The following PTPRD variants were observed in gnomAD, a reference collection of about 807,000 sequenced individuals.
PTPRD encodes receptor-type tyrosine-protein phosphatase delta.
A neutral mutation model predicts 214.5 loss-of-function variants in PTPRD; 34 were observed. That is an observed-to-expected ratio of 0.16 (90% CI 0.12 to 0.21). The LOEUF is 0.21. Ranked by LOEUF, PTPRD falls within the 10% of genes least tolerant of loss-of-function variation. The pLI is 1.00. For missense variants in PTPRD, 2,545 were observed against 2,398.7 expected, an observed-to-expected ratio of 1.06 and a Z score of -1.27; for synonymous variants, 1,128 against 845.7, an observed-to-expected ratio of 1.33 and a Z score of -5.79.
At chr9:8,571,990 C>T (rs916200255) in intron 14 of PTPRD, among the ~76,000 whole-genome samples, 2 of 151,944 alleles carry the variant, frequency 1.3e-5, no homozygotes, top group Admixed American at 6.6e-5. Flanking sequence ...TTGGTGGATG[C>T]GGAAGTAATG....
intron 3 of PTPRD, among the ~76,000 whole-genome samples, chr9:10,057,915 G>C (rs1390268167): frequency 6.6e-6 from 1 of 151,986 alleles, no homozygotes; most frequent in African/African-American, 2.4e-5. Context: ...CACACCACTG[G>C]CTCATGACAG....
chr9:8,528,405 AAGAC>A (rs1443028748), intron 15 of PTPRD, 182 bp downstream of exon 15: 3 of 656,626 alleles, frequency 4.6e-6, no homozygotes, highest in East Asian at 2.8e-5. Flanking sequence ...GAAAAGGAGA[AAGAC>A]AGACTCTGAA....
intron 5 of PTPRD, among the ~76,000 whole-genome samples, chr9:9,924,904 A>T (rs1431098588): frequency 3.9e-5 from 6 of 152,084 alleles, no homozygotes. Flanking sequence ...CCTTGCTTTC[A>T]ACTCCTAGCT....
At chr9:9,384,862 AAAG>A (rs1190536821) in intron 9 of PTPRD, among the ~76,000 whole-genome samples, 8 of 152,112 alleles carry the variant, frequency 5.3e-5, no homozygotes, top group Admixed American at 2.0e-4. Context: ...AGACATTAGA[AAAG>A]AAAGTGCCTC....
At chr9:8,557,673 G>A (rs770441607) in intron 14 of PTPRD, among the ~76,000 whole-genome samples, 7 of 147,170 alleles carry the variant, frequency 4.8e-5, no homozygotes, top group Non-Finnish European at 8.9e-5. Context: ...AACATGGGAA[G>A]CGGAGGTTGC....
At chr9:8,907,978 G>C (rs761591523) in intron 11 of PTPRD, among the ~76,000 whole-genome samples, 13 of 152,138 alleles carry the variant, frequency 8.5e-5, no homozygotes, top group Non-Finnish European at 7.4e-5. Context: ...CAAGCACTAA[G>C]AGAGTCTCAT....
At chr9:10,308,427 G>C (rs578213258) in intron 3 of PTPRD, among the ~76,000 whole-genome samples, 7 of 151,970 alleles carry the variant, frequency 4.6e-5, no homozygotes, top group Non-Finnish European at 1.0e-4. Flanking sequence ...CTATGTGTCT[G>C]TTTTTACACC....
At chr9:9,073,638 T>C (rs1322859144) in intron 10 of PTPRD, among the ~76,000 whole-genome samples, 5 of 152,210 alleles carry the variant, frequency 3.3e-5, no homozygotes, top group African/African-American at 4.8e-5. Context: ...TTTCGAGCCT[T>C]CAGATGCAAG....
chr9:10,132,369 T>C (rs770873100), intron 3 of PTPRD, among the ~76,000 whole-genome samples: 10 of 152,170 alleles, frequency 6.6e-5, no homozygotes, highest in Non-Finnish European at 7.3e-5. Flanking sequence ...ACTTCAACTA[T>C]ATATTACTTG....
chr9:10,093,479 A>G (rs1250170156), intron 3 of PTPRD, among the ~76,000 whole-genome samples: 1 of 151,394 alleles, frequency 6.6e-6, no homozygotes, highest in Non-Finnish European at 1.5e-5. Context: ...AAAAACGGGA[A>G]TGCTTATACT....
intron 4 of PTPRD, among the ~76,000 whole-genome samples, chr9:9,943,828 CT>C (rs1272686106): frequency 6.6e-6 from 1 of 152,078 alleles, no homozygotes; most frequent in African/African-American, 2.4e-5. Context: ...TTAAAGGATT[CT>C]TTTTTTCCAA....
At chr9:10,152,262 G>T (rs947379217) in intron 3 of PTPRD, among the ~76,000 whole-genome samples, 1 of 151,866 alleles carries the variant, frequency 6.6e-6, no homozygotes, top group East Asian at 1.9e-4. Flanking sequence ...ATCTGTATTT[G>T]CCTAGTGAAA....
At chr9:9,080,117 G>C (rs997744433) in intron 10 of PTPRD, among the ~76,000 whole-genome samples, 1 of 151,820 alleles carries the variant, frequency 6.6e-6, no homozygotes, top group Admixed American at 6.6e-5. Context: ...ATCTATCACT[G>C]TACTAGATCC....
At chr9:9,810,422 GCTGGTGA>G (rs2046788010) in intron 5 of PTPRD, among the ~76,000 whole-genome samples, 1 of 152,024 alleles carries the variant, frequency 6.6e-6, no homozygotes, top group African/African-American at 2.4e-5. Flanking sequence ...GGCTAATGCA[GCTGGTGA>G]CCATAGGTTG....
intron 10 of PTPRD, among the ~76,000 whole-genome samples, chr9:9,034,889 A>G (rs2099616639): frequency 6.6e-6 from 1 of 152,172 alleles, no homozygotes; most frequent in East Asian, 1.9e-4. Flanking sequence ...AGGAATATTC[A>G]TATGGTGCCT....
At position 10,119,323 on chromosome 9, in the gene PTPRD, G is replaced by T. The variant is rs900889486; in HGVS notation, c.-544-85533C>A. Reference sequence around the variant, plus strand: ...TGGTCATCCAAAGACAGATTCTAAAGTTATTATCTTAACCATCTCCATAGT... The same window carrying T: ...TGGTCATCCAAAGACAGATTCTAAATTTATTATCTTAACCATCTCCATAGT... On this transcript the variant is annotated intron_variant, in intron 3 of 45. Transcript: ENST00000381196. Among the ~76,000 whole-genome samples, 14 of 152,054 alleles carry T rather than the reference G, an allele frequency of 9.2e-5. No homozygotes were observed. In the East Asian group the frequency reaches 1.2e-3, roughly 13 times the overall value.
At chr9:9,819,633 A>G (rs964476421) in intron 5 of PTPRD, among the ~76,000 whole-genome samples, 4 of 151,900 alleles carry the variant, frequency 2.6e-5, no homozygotes, top group African/African-American at 9.7e-5. Context: ...ATAGTCCCCA[A>G]CGGTTAGTTT....
intron 7 of PTPRD, among the ~76,000 whole-genome samples, chr9:9,586,409 G>A (rs899716769): frequency 6.6e-6 from 1 of 151,926 alleles, no homozygotes; most frequent in Non-Finnish European, 1.5e-5. Flanking sequence ...TAAGTACGCA[G>A]TAAGATTATA....
chr9:9,877,248 A>C lies in PTPRD; in HGVS notation c.-368+61259T>G, dbSNP rs146108940. 1.8e-3 allele frequency among the ~76,000 whole-genome samples: 267 copies of C among 152,270 alleles called. 2 individuals carry two copies. The highest frequency in any genetic ancestry group is 6.3e-3 in the African/African-American group (260 of 41,564). ...CAGGTAATTCTATATTTTTCTTATA[A>C]AACAGATAGTGACCCAAGAACAACT... On this transcript the variant is annotated intron_variant, in intron 5 of 45. Transcript: ENST00000381196.
Sources: gnomAD v4.1 joint callset for allele counts (sites outside exome capture counted in the v4.1 genomes callset) on GRCh38, gnomAD v4.1.1 for gene constraint, MANE v1.5 for transcripts, NCBI Gene and HGNC (gene_info 2026-07-23, HGNC 2026-07-21) for gene names.